The following SHISA9 variants were observed in gnomAD, a reference collection of about 807,000 sequenced individuals.
SHISA9 encodes the protein shisa family member 9.
Under a neutral mutation model 38.0 loss-of-function variants are expected in SHISA9, and 13 were observed. The observed-to-expected ratio is 0.34, with a 90% confidence interval of 0.22 to 0.54. SHISA9 has a LOEUF of 0.54. Ranked by LOEUF, SHISA9 falls within the 20% of genes least tolerant of loss-of-function variation. The pLI is 0.91. For missense variants in SHISA9, 538 were observed against 575.8 expected (o/e 0.93, Z 0.67); for synonymous variants, 275 against 242.0 (o/e 1.14, Z -1.27).
At chr16:13,537,464 G>A in the SHISA9 span, among the ~76,000 whole-genome samples, 2 of 151,586 alleles carry the variant, frequency 1.3e-5, no homozygotes, top group Admixed American at 6.6e-5. Context: ...ATTTTAAGAA[G>A]AAAAAATTAG....
At chr16:12,930,934 C>T (rs1243874943) in intron 2 of SHISA9, among the ~76,000 whole-genome samples, 1 of 152,190 alleles carries the variant, frequency 6.6e-6, no homozygotes, top group Non-Finnish European at 1.5e-5. Flanking sequence ...CAAGCCCTGG[C>T]TTATTTGTGG....
intron 2 of SHISA9, among the ~76,000 whole-genome samples, chr16:13,136,796 C>T (rs1055711278): frequency 6.6e-6 from 1 of 152,080 alleles, no homozygotes; most frequent in East Asian, 1.9e-4. Flanking sequence ...GGAAAAATTA[C>T]GGCAGCCTTT....
At chr16:13,132,402 T>A (rs2050313857) in intron 2 of SHISA9, among the ~76,000 whole-genome samples, 1 of 152,216 alleles carries the variant, frequency 6.6e-6, no homozygotes, top group Non-Finnish European at 1.5e-5. Flanking sequence ...ATGTATTTAC[T>A]GCTTTTAAAC....
chr16:13,267,016 AT>A, the SHISA9 span, among the ~76,000 whole-genome samples: 2 of 152,234 alleles, frequency 1.3e-5, no homozygotes. Context: ...AAAATTGAAG[AT>A]TTATCAAGTT....
chr16:12,972,739 G>C (rs1465677905), intron 2 of SHISA9, among the ~76,000 whole-genome samples: 1 of 152,138 alleles, frequency 6.6e-6, no homozygotes, highest in Non-Finnish European at 1.5e-5. Flanking sequence ...CTACCATATT[G>C]GATAATGCAA....
At chr16:12,983,765 G>C (rs946575570) in intron 2 of SHISA9, among the ~76,000 whole-genome samples, 14 of 152,176 alleles carry the variant, frequency 9.2e-5, no homozygotes, top group Middle Eastern at 3.2e-3. Context: ...TGGGATTACA[G>C]GCGTGAGCCA....
chr16:13,368,588 A>G, the SHISA9 span, among the ~76,000 whole-genome samples: 1 of 152,126 alleles, frequency 6.6e-6, no homozygotes. Flanking sequence ...GACCTTTAAA[A>G]GACGTATCCA....
At chr16:13,328,591 T>TAC in the SHISA9 span, among the ~76,000 whole-genome samples, 8,557 of 139,846 alleles carry the variant, frequency 0.061, 246 homozygotes, top group Non-Finnish European at 0.073. Flanking sequence ...TATATGTGTA[T>TAC]ACACACACAC....
chr16:12,921,643 C>T (rs1377847981), intron 2 of SHISA9, among the ~76,000 whole-genome samples: 2 of 152,090 alleles, frequency 1.3e-5, no homozygotes, highest in African/African-American at 4.8e-5. Flanking sequence ...TGGTAGTTCA[C>T]ACCAGTAGTG....
chr16:13,434,978 A>C, the SHISA9 span, among the ~76,000 whole-genome samples: 1 of 152,180 alleles, frequency 6.6e-6, no homozygotes, highest in African/African-American at 2.4e-5. Flanking sequence ...TTAATTAATA[A>C]TCCCTGTTTA....
At chr16:13,439,488 C>T in the SHISA9 span, among the ~76,000 whole-genome samples, 3 of 152,128 alleles carry the variant, frequency 2.0e-5, no homozygotes, top group African/African-American at 7.2e-5. Context: ...TAAATATATA[C>T]AATTTTTGTT....
At chr16:13,324,442 A>C in the SHISA9 span, among the ~76,000 whole-genome samples, 9 of 152,246 alleles carry the variant, frequency 5.9e-5, no homozygotes, top group Non-Finnish European at 1.2e-4. Flanking sequence ...CCACAAAGAA[A>C]AATGGGGAAA....
intron 2 of SHISA9, among the ~76,000 whole-genome samples, chr16:13,059,117 C>CT (rs2073343922): frequency 7.1e-6 from 1 of 140,002 alleles, no homozygotes; most frequent in Non-Finnish European, 1.5e-5. Flanking sequence ...TGTAAAAACT[C>CT]TATCTTTTTT....
intron 2 of SHISA9, among the ~76,000 whole-genome samples, chr16:13,096,919 G>A (rs1457888934): frequency 6.6e-6 from 1 of 151,864 alleles, no homozygotes; most frequent in African/African-American, 2.4e-5. Flanking sequence ...CTATTTTAGA[G>A]TGACCCCTCT....
chr16:13,404,374 G>C, the SHISA9 span, among the ~76,000 whole-genome samples: 2 of 152,194 alleles, frequency 1.3e-5, no homozygotes, highest in African/African-American at 4.8e-5. Flanking sequence ...TCATATATTA[G>C]AGAAATTTGT....
At chr16:13,242,357 A>G (rs2051441583), downstream of SHISA9, among the ~76,000 whole-genome samples, 1 of 152,172 alleles carries the variant, frequency 6.6e-6, no homozygotes, top group African/African-American at 2.4e-5. Flanking sequence ...CCAGGGTCCA[A>G]TGTTTGTAAC....
intron 2 of SHISA9, among the ~76,000 whole-genome samples, chr16:12,923,701 C>A (rs1050472278): frequency 6.7e-6 from 1 of 150,122 alleles, no homozygotes; most frequent in African/African-American, 2.5e-5. Context: ...ATTAGCTGGG[C>A]GTGGTGGTGG....
chr16:13,084,668 G>A (rs565034556), intron 2 of SHISA9, among the ~76,000 whole-genome samples: 1 of 152,278 alleles, frequency 6.6e-6, no homozygotes, highest in African/African-American at 2.4e-5. Flanking sequence ...GCTATGAAGA[G>A]GTTCGGGATG....
At chr16:13,210,799 G>T (rs1258793405) in intron 3 of SHISA9, among the ~76,000 whole-genome samples, 1 of 152,232 alleles carries the variant, frequency 6.6e-6, no homozygotes, top group Non-Finnish European at 1.5e-5. Flanking sequence ...CGTACTTTTA[G>T]TAAATGGCAG....
Sources: gnomAD v4.1 joint callset for allele counts (sites outside exome capture counted in the v4.1 genomes callset) on GRCh38, gnomAD v4.1.1 for gene constraint, MANE v1.5 for transcripts, NCBI Gene and HGNC (gene_info 2026-07-23, HGNC 2026-07-21) for gene names.